The following NOSTRIN variants were observed in gnomAD, a reference collection of about 807,000 sequenced individuals.
NOSTRIN encodes the protein BM247 homolog.
NOSTRIN carries 63 observed loss-of-function variants against 59.0 expected under a neutral mutation model. The ratio of observed to expected loss-of-function variants is 1.07; its 90% CI spans 0.87 to 1.32. The LOEUF is 1.32. Among genes scored for constraint, NOSTRIN ranks in the 40% most tolerant of loss-of-function variants. The probability of loss-of-function intolerance (pLI) is 0.00; values close to 1 mark genes in which losing one functional copy is unlikely to be tolerated. For missense variants in NOSTRIN, 512 were observed against 473.1 expected, an observed-to-expected ratio of 1.08 and a Z score of -0.76; for synonymous variants, 200 against 165.4, an observed-to-expected ratio of 1.21 and a Z score of -1.61.
At chr2:168,849,104 A>G (rs1256858365) in intron 8 of NOSTRIN, among the ~76,000 whole-genome samples, 1 of 152,218 alleles carries the variant, frequency 6.6e-6, no homozygotes, top group East Asian at 1.9e-4. Flanking sequence ...AGGAGAACCC[A>G]GTGATCTTTG....
intron 6 of NOSTRIN, among the ~76,000 whole-genome samples, chr2:168,833,318 A>G (rs148107770): frequency 5.0e-3 from 763 of 152,304 alleles, no homozygotes; most frequent in Non-Finnish European, 8.5e-3. Context: ...AAAGAGGGCC[A>G]TGAGCTTATT....
chr2:168,788,626 G>A (rs1295425276), intron 2 of NOSTRIN, among the ~76,000 whole-genome samples: 1 of 152,148 alleles, frequency 6.6e-6, no homozygotes, highest in Admixed American at 6.6e-5. Context: ...AAGTCAGAGT[G>A]GAAGCAGTGG....
At chr2:168,845,790 C>CTT (rs3216710) in intron 8 of NOSTRIN, among the ~76,000 whole-genome samples, 12 of 140,636 alleles carry the variant, frequency 8.5e-5, no homozygotes, top group South Asian at 2.2e-4. Context: ...TTTTTTCTTC[C>CTT]TTTTTTTTTT....
At chr2:168,802,217 A>G (rs899910094), upstream of NOSTRIN, among the ~76,000 whole-genome samples, 2 of 152,196 alleles carry the variant, frequency 1.3e-5, no homozygotes, top group South Asian at 2.1e-4. Context: ...CTCCAAGTCC[A>G]TGAGGTCCCC....
chr2:168,864,439 C>A (rs1308217299), intron 15 of NOSTRIN, among the ~76,000 whole-genome samples: 1 of 151,996 alleles, frequency 6.6e-6, no homozygotes, highest in Non-Finnish European at 1.5e-5. Flanking sequence ...GCGTGCGCCA[C>A]CACACCCAGC....
chr2:168,862,888 C>A (rs997275517), intron 15 of NOSTRIN, among the ~76,000 whole-genome samples: 9 of 152,130 alleles, frequency 5.9e-5, no homozygotes, highest in African/African-American at 1.9e-4. Flanking sequence ...ACATGGCTCC[C>A]AGAGCCAATG....
At chr2:168,797,017 G>A (rs547990918), upstream of NOSTRIN, among the ~76,000 whole-genome samples, 6 of 150,868 alleles carry the variant, frequency 4.0e-5, no homozygotes, top group South Asian at 2.1e-4. Flanking sequence ...AGCTCACTGA[G>A]TACTGTGGGA....
chr2:168,790,293 T>C (rs1685315616), intron 2 of NOSTRIN, among the ~76,000 whole-genome samples: 1 of 152,174 alleles, frequency 6.6e-6, no homozygotes, highest in African/African-American at 2.4e-5. Context: ...AAAATTAATA[T>C]ATAATAAACT....
chr2:168,815,154 C>T (rs1686332635), intron 2 of NOSTRIN, among the ~76,000 whole-genome samples: 1 of 152,160 alleles, frequency 6.6e-6, no homozygotes, highest in Non-Finnish European at 1.5e-5. Flanking sequence ...CCCTCTTGCA[C>T]TTAATCTAAT....
chr2:168,798,153 A>T (rs1685532501), upstream of NOSTRIN: 1 of 152,206 alleles, frequency 6.6e-6, no homozygotes, highest in African/African-American at 2.4e-5. Context: ...TTCAATCTAC[A>T]GATGCAGAAC....
chr2:168,865,144 A>AGAT lies in NOSTRIN; in HGVS notation c.*176_*178dup. 1 of 702,098 alleles carries AGAT rather than the reference A, an allele frequency of 1.4e-6. No individual in the cohort carries two copies. Among genetic ancestry groups the AGAT allele is most frequent in the Non-Finnish European group, 2.3e-6 (1 of 436,552 alleles). 43.5% of individuals were successfully genotyped at this position (702,098 alleles called of 1,614,324 possible). On this transcript the variant is annotated 3_prime_UTR_variant, in exon 16 of 16. Coordinates refer to ENST00000317647, the MANE Select transcript of NOSTRIN (RefSeq NM_001039724.4). ...TATTAGCTTGAAACAGTCAGAAAAA[A>AGAT]GATGGATGGGTGGAGACAGACAAGG...
At position 168,863,182 on chromosome 2, in the gene NOSTRIN, C is replaced by T. The variant is rs563690010; in HGVS notation, c.1384+1133C>T. On this transcript the variant is annotated intron_variant, in intron 15 of 15. Transcript: ENST00000317647. ...CTAAGCAGTTTCTTTAAATGAAACA[C>T]GACGTTGGAGCCTTAGGGAAGCTGG... is the stretch of plus-strand genomic sequence containing the variant. Among the ~76,000 whole-genome samples, 11 of 152,182 alleles carry T rather than the reference C, an allele frequency of 7.2e-5. No homozygotes were observed. The East Asian group carries it at 1.2e-3, about 16-fold the overall frequency.
chr2:168,800,069 G>A (rs971018371), upstream of NOSTRIN, among the ~76,000 whole-genome samples: 5 of 152,106 alleles, frequency 3.3e-5, no homozygotes, highest in Non-Finnish European at 5.9e-5. Context: ...TCACTCTTGT[G>A]GCTCCTCTGC....
At chr2:168,852,970 C>A (rs1233588029) in intron 10 of NOSTRIN, among the ~76,000 whole-genome samples, 1 of 152,092 alleles carries the variant, frequency 6.6e-6, no homozygotes, top group Admixed American at 6.5e-5. Flanking sequence ...TAAAATAAAT[C>A]TATTTTCTTA....
chr2:168,794,296 T>C (rs1227276819), upstream of NOSTRIN, among the ~76,000 whole-genome samples: 1 of 151,262 alleles, frequency 6.6e-6, no homozygotes, highest in African/African-American at 2.4e-5. Flanking sequence ...TTCAGAAGAG[T>C]TGTGAGAGGA....
Position 168,787,359 on chromosome 2 carries a change from G to T in NOSTRIN, c.-660-502G>T, listed in dbSNP as rs1184183413. Among the ~76,000 whole-genome samples, 4 of 152,208 alleles carry T rather than the reference G, an allele frequency of 2.6e-5. No individual in the cohort carries two copies. In the South Asian group the frequency reaches 6.2e-4, roughly 24 times the overall value. Reference sequence around the variant, plus strand: ...TGCCTGTGACAGCTCCAGGACTCTGGCCATACTGCTTACACTGCCACAGAG... The same window carrying T: ...TGCCTGTGACAGCTCCAGGACTCTGTCCATACTGCTTACACTGCCACAGAG... On this transcript the variant is annotated intron_variant, in intron 1 of 20. Transcript: ENST00000458381.
chr2:168,837,714 A>G (rs560735594), intron 7 of NOSTRIN, among the ~76,000 whole-genome samples: 1 of 152,256 alleles, frequency 6.6e-6, no homozygotes, highest in Admixed American at 6.5e-5. Context: ...TCTTTCCACT[A>G]AGAGTGTTCT....
chr2:168,790,997 TTTA>T (rs1046011732), intron 2 of NOSTRIN, among the ~76,000 whole-genome samples: 54 of 152,204 alleles, frequency 3.5e-4, no homozygotes, highest in African/African-American at 1.3e-3. Context: ...TTTTTTAAAT[TTTA>T]TTATTATTAC....
chr2:168,803,983 T>C (rs1251071660), intron 1 of NOSTRIN, among the ~76,000 whole-genome samples: 1 of 152,186 alleles, frequency 6.6e-6, no homozygotes, highest in African/African-American at 2.4e-5. Context: ...ATGGGGTAAG[T>C]GGCAGCAAAA....
Sources: allele counts gnomAD v4.1 joint callset (sites outside exome capture counted in the v4.1 genomes callset), GRCh38; gene constraint gnomAD v4.1.1; transcripts MANE v1.5; gene names NCBI Gene and HGNC (gene_info 2026-07-23, HGNC 2026-07-21).